Variants in PRSS23 observed in about 807,000 individuals in gnomAD.
The protein encoded by PRSS23 is protease, serine 23.
PRSS23 carries 25 observed loss-of-function variants against 34.7 expected under a neutral mutation model. The ratio of observed to expected loss-of-function variants is 0.72; its 90% confidence interval spans 0.53 to 1.01. The LOEUF is 1.01. Ranked by LOEUF, PRSS23 falls within the 50% of genes least tolerant of loss-of-function variation. The pLI is 0.00. For synonymous variants in PRSS23, 176 were observed against 186.6 expected, an observed-to-expected ratio of 0.94 and a Z score of 0.46; for missense variants, 445 against 475.6, an observed-to-expected ratio of 0.94 and a Z score of 0.60.
At chr11:86,879,653 C>T (rs1335406737) in intron 2 of PRSS23, among the ~76,000 whole-genome samples, 6 of 122,194 alleles carry the variant, frequency 4.9e-5, no homozygotes, top group East Asian at 2.5e-4. Flanking sequence ...CCCGGCCAGC[C>T]GCCCCGTCCG....
At chr11:86,793,727 C>A (rs1267547627) in intron 1 of PRSS23, among the ~76,000 whole-genome samples, 1 of 152,034 alleles carries the variant, frequency 6.6e-6, no homozygotes, top group Non-Finnish European at 1.5e-5. Context: ...GAATTTTATT[C>A]ATTAATTTAA....
At chr11:86,829,538 C>T (rs565321554) in intron 2 of PRSS23, among the ~76,000 whole-genome samples, 10 of 152,210 alleles carry the variant, frequency 6.6e-5, no homozygotes, top group South Asian at 2.1e-4. Flanking sequence ...TGAGAAGCTG[C>T]GTTCCTTTGG....
chr11:86,869,683 CTCA>C (rs1360525784), intron 2 of PRSS23, among the ~76,000 whole-genome samples: 1 of 152,150 alleles, frequency 6.6e-6, no homozygotes. Flanking sequence ...GTTTAGCTGC[CTCA>C]TCATGCATCA....
intron 1 of PRSS23, among the ~76,000 whole-genome samples, chr11:86,817,436 T>A (rs527541226): frequency 6.6e-6 from 1 of 152,346 alleles, no homozygotes; most frequent in East Asian, 1.9e-4. Flanking sequence ...TCTAAATGGC[T>A]GGCTGGCATT....
At chr11:86,867,925 A>C (rs1948661212) in intron 2 of PRSS23, among the ~76,000 whole-genome samples, 1 of 151,568 alleles carries the variant, frequency 6.6e-6, no homozygotes, top group East Asian at 1.9e-4. Flanking sequence ...GAGTGGAGGT[A>C]TGGAAAAGAA....
intron 1 of PRSS23, among the ~76,000 whole-genome samples, chr11:86,819,963 G>A (rs1308435522): frequency 1.3e-5 from 2 of 152,236 alleles, no homozygotes; most frequent in African/African-American, 4.8e-5. Flanking sequence ...TAGATTATAA[G>A]ATTGATAAAT....
chr11:86,939,431 T>TTTTTTTTAAAATATATATATATATA (rs1555084022), intron 2 of PRSS23, among the ~76,000 whole-genome samples: 1 of 141,750 alleles, frequency 7.1e-6, no homozygotes. Context: ...TATATATTTT[T>TTTTTTTTAAAATATATATATATATA]TAACATGAGT....
rs1296972035 is a variant in PRSS23 at position 86,878,083 on chromosome 11, CA to C, written c.206+54494del. 2.6e-5 allele frequency among the ~76,000 whole-genome samples: 4 copies of C among 152,046 alleles called. No individual in the cohort carries two copies. The South Asian group carries it at 6.2e-4, about 24-fold the overall frequency. On this transcript the variant is annotated intron_variant, in intron 2 of 2. Coordinates refer to the PRSS23 transcript ENST00000533902. ...TTTGCACCTCTTTTTTATATTGTATCAAAATTGGAATTGTACTATATTTGAT... is the reference window on the plus strand; with the variant it reads ...TTTGCACCTCTTTTTTATATTGTATCAAATTGGAATTGTACTATATTTGAT...
At chr11:86,870,383 A>G (rs1345163700) in intron 2 of PRSS23, among the ~76,000 whole-genome samples, 1 of 152,164 alleles carries the variant, frequency 6.6e-6, no homozygotes, top group African/African-American at 2.4e-5. Context: ...TACTGTGTTT[A>G]GTTCCCTGGA....
chr11:86,898,382 A>G (rs773312958), intron 2 of PRSS23, among the ~76,000 whole-genome samples: 37 of 152,228 alleles, frequency 2.4e-4, no homozygotes, highest in Admixed American at 3.9e-4. Flanking sequence ...CCCATAACCC[A>G]TTAGAGTCTA....
At chr11:86,928,535 C>T (rs1352020285) in intron 2 of PRSS23, among the ~76,000 whole-genome samples, 1 of 147,544 alleles carries the variant, frequency 6.8e-6, no homozygotes, top group Non-Finnish European at 1.5e-5. Flanking sequence ...ATTAGCCGAG[C>T]GTGGTGGCAG....
upstream of PRSS23, chr11:86,800,428 A>G: frequency 1.0e-6 from 1 of 981,272 alleles, no homozygotes; most frequent in Non-Finnish European, 1.2e-6. Flanking sequence ...GTTTATGTGC[A>G]GTGGGGCGGG....
At chr11:86,936,601 A>G (rs910323270) in intron 2 of PRSS23, 1 of 152,058 alleles carries the variant, frequency 6.6e-6, no homozygotes, top group Non-Finnish European at 1.5e-5. Flanking sequence ...GGAAAGGTAT[A>G]TAATCTTGCT....
At chr11:86,890,071 C>G (rs1948831107) in intron 2 of PRSS23, among the ~76,000 whole-genome samples, 1 of 151,916 alleles carries the variant, frequency 6.6e-6, no homozygotes, top group African/African-American at 2.4e-5. Context: ...AGTTCGAGAC[C>G]AGCCTGGCCA....
At chr11:86,839,004 G>C (rs185148103) in intron 2 of PRSS23, among the ~76,000 whole-genome samples, 1 of 151,488 alleles carries the variant, frequency 6.6e-6, no homozygotes, top group Non-Finnish European at 1.5e-5. Context: ...AAAGACCAAA[G>C]GTAGATAAAA....
intron 2 of PRSS23, among the ~76,000 whole-genome samples, chr11:86,885,057 A>G (rs1948793649): frequency 6.6e-6 from 1 of 152,258 alleles, no homozygotes; most frequent in Non-Finnish European, 1.5e-5. Context: ...CTTCTTGAAG[A>G]CAGGACATTT....
rs1948535918 is a variant in PRSS23, at chr11:86,852,249, G to T, written c.206+28656G>T. Among the ~76,000 whole-genome samples, 2 of 152,168 alleles carry T rather than the reference G, an allele frequency of 1.3e-5. 1 individual carries two copies. The highest frequency in any genetic ancestry group is 4.1e-4 in the South Asian group (2 of 4,824). The stretch of plus-strand genomic sequence containing the variant: ...CCTCCTGATAGAGGTGATGGGTGTG[G>T]AGCCCACAGGACTGGAACCTCACAC... On this transcript the variant is annotated intron_variant, in intron 2 of 2. Transcript: ENST00000533902.
At chr11:86,881,716 T>C (rs1206549022) in intron 2 of PRSS23, among the ~76,000 whole-genome samples, 1 of 152,190 alleles carries the variant, frequency 6.6e-6, no homozygotes, top group East Asian at 1.9e-4. Flanking sequence ...AGTGAAATCA[T>C]CTGGTCCTGG....
At chr11:86,879,124 G>A (rs1186172679) in intron 2 of PRSS23, among the ~76,000 whole-genome samples, 4 of 138,502 alleles carry the variant, frequency 2.9e-5, no homozygotes, top group Non-Finnish European at 4.6e-5. Context: ...CCGCCATCCC[G>A]TCTAGGAAGT....
Sources: gnomAD v4.1 joint callset for allele counts (sites outside exome capture counted in the v4.1 genomes callset) on GRCh38, gnomAD v4.1.1 for gene constraint, MANE v1.5 for transcripts, NCBI Gene and HGNC (gene_info 2026-07-23, HGNC 2026-07-21) for gene names.